The following ASCC3 variants were observed in gnomAD, a reference collection of about 807,000 sequenced individuals.
The protein encoded by ASCC3 is ASC-1 complex subunit P200.
ASCC3 carries 158 observed loss-of-function variants against 256.3 expected under a neutral mutation model. The ratio of observed to expected loss-of-function variants is 0.62; its 90% CI spans 0.54 to 0.70. ASCC3 has a LOEUF of 0.70. Among genes scored for constraint, ASCC3 ranks in the 30% least tolerant of loss-of-function variants. ASCC3 has a pLI of 0.00. For missense variants in ASCC3, 2,259 were observed against 2,626.0 expected, an observed-to-expected ratio of 0.86 and a Z score of 3.05; for synonymous variants, 948 against 883.4, an observed-to-expected ratio of 1.07 and a Z score of -1.30.
chr6:100,657,048 T>C (rs911295457), intron 16 of ASCC3, among the ~76,000 whole-genome samples: 5 of 151,300 alleles, frequency 3.3e-5, no homozygotes, highest in Non-Finnish European at 7.4e-5. Context: ...ATAACTAATT[T>C]CATGAAATAA....
chr6:100,625,324 G>T lies in ASCC3; in HGVS notation c.4653C>A (p.Ser1551Arg). 2 of 1,612,572 alleles carry T rather than the reference G, an allele frequency of 1.2e-6. No homozygotes were observed. The highest frequency in any genetic ancestry group is 1.7e-6 in the Non-Finnish European group (2 of 1,178,962). The change falls in exon 30 of 42, where the codon AGC becomes AGA. Residue 1551 changes from serine to arginine, a missense_variant. Physicochemically the swap from Ser to Arg is moderately radical, Grantham distance 110. Around this residue, in one of 2 missense-constraint regions of ASCC3, gnomAD observed 1,839 missense variants for 2,206.7 expected, o/e 0.83. Coordinates refer to ENST00000369162, the MANE Select transcript of ASCC3 (RefSeq NM_006828.4). Reference sequence around the variant, plus strand: ...TCAAAACAGGTTTGGCTGGAGAATGGCTTCTAATTGCTGTTGAAAAGTTGT... The same window carrying T: ...TCAAAACAGGTTTGGCTGGAGAATGTCTTCTAATTGCTGTTGAAAAGTTGT... ...MNKPAFQAIR[S>R]HSPAKPVLIF...
At chr6:100,754,841 A>G (rs1653740632) in intron 10 of ASCC3, among the ~76,000 whole-genome samples, 1 of 152,246 alleles carries the variant, frequency 6.6e-6, no homozygotes, top group African/African-American at 2.4e-5. Context: ...TGTTCTCATA[A>G]TAGTGAATAA....
intron 1 of ASCC3, among the ~76,000 whole-genome samples, chr6:100,877,379 C>A (rs543176681): frequency 1.3e-5 from 2 of 152,068 alleles, no homozygotes; most frequent in African/African-American, 2.4e-5. Flanking sequence ...ACAAACCACA[C>A]CTTGAAAAAT....
intron 3 of ASCC3, chr6:100,858,926 CCT>C (rs1396560047): frequency 1.7e-6 from 1 of 581,928 alleles, no homozygotes; most frequent in African/African-American, 1.9e-5. Flanking sequence ...ATGCCTTTAA[CCT>C]CTTTTAATCT....
intron 4 of ASCC3, among the ~76,000 whole-genome samples, chr6:100,811,646 T>C (rs796241246): frequency 1.4e-4 from 21 of 152,230 alleles, no homozygotes; most frequent in African/African-American, 5.1e-4. Context: ...TAAAATTACA[T>C]TGATTTCTGT....
At chr6:100,594,878 C>A (rs77684605) in intron 34 of ASCC3, among the ~76,000 whole-genome samples, 4,854 of 151,970 alleles carry the variant, frequency 0.032, 93 homozygotes, top group African/African-American at 0.061. Context: ...TATATTAGCA[C>A]CAACATGGAT....
At chr6:100,811,821 A>G (rs995991113) in intron 4 of ASCC3, among the ~76,000 whole-genome samples, 32 of 152,294 alleles carry the variant, frequency 2.1e-4, no homozygotes, top group African/African-American at 7.2e-4. Flanking sequence ...TAAAGAGACA[A>G]CAGAGAGGAG....
Position 100,597,809 on chromosome 6 carries a change from G to GGAAAAAAAAAAAAAAAAAA in ASCC3, c.5303+4000_5303+4001insTTTTTTTTTTTTTTTTTTC, listed in dbSNP as rs1772376939. 1.6e-4 allele frequency among the ~76,000 whole-genome samples: 14 copies of GGAAAAAAAAAAAAAAAAAA among 88,600 alleles called. No homozygotes were observed. In the East Asian group the frequency reaches 4.7e-3, roughly 29 times the overall value. The allele number at this position is 88,600 out of a possible 152,430, so 58.1% of individuals were successfully genotyped here. A position where few individuals can be genotyped will look rare whatever the true frequency, so the allele number is the denominator to read the frequency against. ...TACACAGTGAAACCCCGTCTCTACT[G>GGAAAAAAAAAAAAAAAAAA]AAAAAAAAAAAAAAATTAGCCGAGC... On this transcript the variant is annotated intron_variant, in intron 34 of 41. Transcript: ENST00000369162.
intron 4 of ASCC3, among the ~76,000 whole-genome samples, chr6:100,829,832 A>G (rs705591): frequency 0.68 from 102,743 of 151,978 alleles, 34,965 homozygotes; most frequent in East Asian, 0.7. Flanking sequence ...ATAATAAAAT[A>G]GAATAATTAT....
intron 37 of ASCC3, among the ~76,000 whole-genome samples, chr6:100,525,156 CAAAAAAAAAAAAA>C (rs57882047): frequency 2.2e-5 from 1 of 44,950 alleles, no homozygotes; most frequent in African/African-American, 8.7e-5. Flanking sequence ...GACCCTGTCT[CAAAAAAAAAAAAA>C]AAAAAAAAAA....
chr6:100,875,346 T>C (rs540892234), intron 1 of ASCC3, among the ~76,000 whole-genome samples: 1 of 152,280 alleles, frequency 6.6e-6, no homozygotes, highest in South Asian at 2.1e-4. Flanking sequence ...GGAAGAGGAA[T>C]GATAATTCTG....
At chr6:100,532,406 AT>A (rs57203625) in intron 37 of ASCC3, among the ~76,000 whole-genome samples, 1,136 of 48,392 alleles carry the variant, frequency 0.023, 22 homozygotes, top group Non-Finnish European at 0.033. Context: ...ATATATATAT[AT>A]TTTTTTTTTT....
intron 39 of ASCC3, among the ~76,000 whole-genome samples, chr6:100,513,123 C>T (rs576353422): frequency 5.3e-5 from 8 of 152,254 alleles, no homozygotes; most frequent in Admixed American, 2.0e-4. Context: ...TTCAAAACTA[C>T]GGTACTTATT....
At chr6:100,801,973 G>A (rs1306386829) in intron 5 of ASCC3, among the ~76,000 whole-genome samples, 1 of 148,372 alleles carries the variant, frequency 6.7e-6, no homozygotes, top group Non-Finnish European at 1.5e-5. Flanking sequence ...TAGATGCTAT[G>A]CTAAAGTCAT....
intron 36 of ASCC3, among the ~76,000 whole-genome samples, chr6:100,572,795 A>G (rs1770664797): frequency 6.6e-6 from 1 of 152,118 alleles, no homozygotes; most frequent in African/African-American, 2.4e-5. Flanking sequence ...TGAAATAATT[A>G]TTTTGTTAGT....
Position 100,638,611 on chromosome 6 carries a change from G to C in ASCC3, c.4112C>G (p.Pro1371Arg), listed in dbSNP as rs770390657. Residue 1371 changes from proline (P) to arginine (R), a missense_variant, in exon 25 of 42, where the codon CCT becomes CGT. Physicochemically the swap from Pro to Arg is moderately radical, Grantham distance 103. This residue lies in a region of ASCC3 where 1,839 missense variants were observed against 2,206.7 expected (regional missense o/e 0.83). Transcript: ENST00000369162. ...ATTCTTTCAACAGACCTTTGAAGTA[G>C]GGTATTTGTTGAAGACTCTGAAAAT... ...LAIFRVFNKY[P>R]TSKAVYIAPL... The C allele has an allele frequency of 1.9e-6, 3 of 1,608,010 alleles. No homozygotes were observed. In the South Asian group the frequency reaches 3.3e-5, roughly 18 times the overall value.
intron 4 of ASCC3, among the ~76,000 whole-genome samples, chr6:100,813,621 C>CT (rs1473761413): frequency 6.6e-6 from 1 of 151,848 alleles, no homozygotes; most frequent in Non-Finnish European, 1.5e-5. Context: ...TACAGGGCGT[C>CT]TGTGTTTGTG....
chr6:100,662,703 T>C (rs1776285723), intron 14 of ASCC3, among the ~76,000 whole-genome samples, 167 bp from the exon 15 acceptor site: 1 of 151,990 alleles, frequency 6.6e-6, no homozygotes, highest in African/African-American at 2.4e-5. Context: ...TAAAAAATAA[T>C]GTTACCTATC....
At position 100,723,426 on chromosome 6, in the gene ASCC3, T is replaced by C. The variant is rs116941212; in HGVS notation, c.1902+2113A>G. Among the ~76,000 whole-genome samples, 1,932 of 151,802 alleles carry C rather than the reference T, an allele frequency of 0.013. 98 individuals carry two copies. In the East Asian group the frequency reaches 0.15, roughly 11 times the overall value. On this transcript the variant is annotated intron_variant, in intron 11 of 41. Coordinates refer to ENST00000369162, the MANE Select transcript of ASCC3 (RefSeq NM_006828.4). ...ACAAGATTATTTTTTTAAAAAAAACTCTCCTATGTTTTCTTCATTGAACTG... is the reference window on the plus strand; with the variant it reads ...ACAAGATTATTTTTTTAAAAAAAACCCTCCTATGTTTTCTTCATTGAACTG...
Sources: allele counts gnomAD v4.1 joint callset (sites outside exome capture counted in the v4.1 genomes callset), GRCh38; gene constraint gnomAD v4.1.1; regional missense constraint gnomAD v4.1.1; transcripts MANE v1.5; gene names NCBI Gene and HGNC (gene_info 2026-07-23, HGNC 2026-07-21).